OSBPL8: variants seen among roughly 807,000 people sequenced by gnomAD.
OSBPL8 encodes oxysterol binding protein like 8.
A neutral mutation model predicts 125.5 loss-of-function variants in OSBPL8; 59 were observed. That is an observed-to-expected ratio of 0.47 (90% CI 0.38 to 0.58). The LOEUF (loss-of-function observed/expected upper bound fraction) is 0.58, where lower values mean the gene tolerates loss of function less well. Ranked by LOEUF, OSBPL8 falls within the 20% of genes least tolerant of loss-of-function variation. The pLI is 0.00. For synonymous variants in OSBPL8, 330 were observed against 338.9 expected (o/e 0.97, Z 0.29); for missense variants, 758 against 1,047.8 (o/e 0.72, Z 3.82).
At chr12:76,425,000 A>T (rs921451285) in intron 4 of OSBPL8, among the ~76,000 whole-genome samples, 29 of 152,304 alleles carry the variant, frequency 1.9e-4, no homozygotes, top group African/African-American at 6.5e-4. Context: ...ACTGAAAGTC[A>T]ACCTTATTTA....
intron 2 of OSBPL8, among the ~76,000 whole-genome samples, chr12:76,462,841 A>G (rs1874904298): frequency 6.6e-6 from 1 of 152,192 alleles, no homozygotes; most frequent in South Asian, 2.1e-4. Flanking sequence ...GCAAGTGTAC[A>G]GGATTATGAT....
chr12:76,439,784 C>A (rs11836952), intron 4 of OSBPL8, among the ~76,000 whole-genome samples: 31,552 of 152,008 alleles, frequency 0.21, 3,518 homozygotes, highest in Non-Finnish European at 0.27. Context: ...TATTGGCTTA[C>A]AGTTGTTTAT....
chr12:76,556,875 A>T (rs1951119865), intron 1 of OSBPL8, among the ~76,000 whole-genome samples: 1 of 152,162 alleles, frequency 6.6e-6, no homozygotes, highest in African/African-American at 2.4e-5. Context: ...CATGTTGGCC[A>T]GGCGGGTCTT....
chr12:76,492,164 G>C (rs1323169723), intron 1 of OSBPL8, among the ~76,000 whole-genome samples: 1 of 152,120 alleles, frequency 6.6e-6, no homozygotes, highest in African/African-American at 2.4e-5. Context: ...ATTTTAAATA[G>C]GATGGCCATA....
chr12:76,528,258 C>T (rs926705954), intron 1 of OSBPL8, among the ~76,000 whole-genome samples: 3 of 146,046 alleles, frequency 2.1e-5, no homozygotes, highest in African/African-American at 7.7e-5. Context: ...ACCTGGGAGG[C>T]GGAGGCTGCA....
At chr12:76,498,435 G>A (rs1879510030) in intron 1 of OSBPL8, among the ~76,000 whole-genome samples, 1 of 152,182 alleles carries the variant, frequency 6.6e-6, no homozygotes, top group African/African-American at 2.4e-5. Context: ...TTTACAAGGT[G>A]CAAGCACGCA....
At position 76,506,514 on chromosome 12, in the gene OSBPL8, A is replaced by C. The variant is rs576790463; in HGVS notation, c.-67-18896T>G. On this transcript the variant is annotated intron_variant, in intron 1 of 23. Transcript: ENST00000261183. The stretch of plus-strand genomic sequence containing the variant: ...GTATTAAAGAATCAATATTTATAAA[A>C]TGAATGAATTAATGAATCCTGATTT... 9.8e-5 allele frequency among the ~76,000 whole-genome samples: 15 copies of C among 152,364 alleles called. No homozygotes were observed. In the South Asian group the frequency reaches 3.1e-3, roughly 32 times the overall value.
intron 1 of OSBPL8, among the ~76,000 whole-genome samples, chr12:76,496,299 G>A (rs928833032): frequency 6.6e-6 from 1 of 151,018 alleles, no homozygotes; most frequent in African/African-American, 2.4e-5. Context: ...TTCCCCTTCT[G>A]TGCTGTTGGT....
chr12:76,359,974 G>T (rs1047227361), intron 21 of OSBPL8, among the ~76,000 whole-genome samples: 1 of 147,456 alleles, frequency 6.8e-6, no homozygotes, highest in Admixed American at 6.8e-5. Flanking sequence ...GAGCCAAATC[G>T]TATCATTCTA....
chr12:76,371,668 T>G (rs1952624018), intron 18 of OSBPL8, 84 bp from the exon 19 acceptor site: 1 of 1,177,884 alleles, frequency 8.5e-7, no homozygotes, highest in African/African-American at 1.6e-5. Flanking sequence ...CGGTGATAAT[T>G]TCTTCTGGTT....
At chr12:76,516,292 CA>C (rs1329505071) in intron 1 of OSBPL8, among the ~76,000 whole-genome samples, 1 of 152,162 alleles carries the variant, frequency 6.6e-6, no homozygotes, top group African/African-American at 2.4e-5. Context: ...GATGAAAAAT[CA>C]AGACCAAGAG....
intron 2 of OSBPL8, among the ~76,000 whole-genome samples, chr12:76,462,931 G>A (rs952829338): frequency 6.6e-6 from 1 of 152,176 alleles, no homozygotes; most frequent in Admixed American, 6.5e-5. Context: ...GAAAGTAGTA[G>A]GAGATGAGGT....
At chr12:76,432,567 T>A (rs1449971901) in intron 4 of OSBPL8, among the ~76,000 whole-genome samples, 1 of 151,956 alleles carries the variant, frequency 6.6e-6, no homozygotes, top group Admixed American at 6.6e-5. Flanking sequence ...GGCAACAGAA[T>A]GAGACTTTGT....
intron 15 of OSBPL8, among the ~76,000 whole-genome samples, chr12:76,382,592 G>T (rs1354354093): frequency 6.6e-6 from 1 of 152,102 alleles, no homozygotes; most frequent in Non-Finnish European, 1.5e-5. Context: ...TCTTTAAAAT[G>T]TCACAGTCGG....
chr12:76,447,865 C>T (rs763940610), intron 4 of OSBPL8, among the ~76,000 whole-genome samples: 8 of 152,086 alleles, frequency 5.3e-5, no homozygotes, highest in Middle Eastern at 3.4e-3. Context: ...TTCTTAAAAC[C>T]GTCAAAGACA....
rs1018556501 is a variant in OSBPL8 at position 76,540,851 on chromosome 12, TAAG to T, written c.-68+18543_-68+18545del. ...TTTCACATCAAATGTGGTCTTCCCTTAAGAAGAGCAAAACCTTAACATATTAGA... is the reference window on the plus strand; with the variant it reads ...TTTCACATCAAATGTGGTCTTCCCTTAAGAGCAAAACCTTAACATATTAGA... On this transcript the variant is annotated intron_variant, in intron 1 of 23. Transcript: ENST00000261183. Among the ~76,000 whole-genome samples, 6 of 152,132 alleles carry T rather than the reference TAAG, an allele frequency of 3.9e-5. No individual in the cohort carries two copies. The South Asian group carries it at 6.2e-4, about 16-fold the overall frequency.
rs372961767 is a variant in OSBPL8, at chr12:76,450,907, G to A, written c.161C>T (p.Thr54Met). Residue 54 changes from threonine to methionine, a missense_variant, in exon 4 of 24, where the codon ACG (threonine) becomes ATG (methionine). Around this residue, in one of 3 missense-constraint regions of OSBPL8, gnomAD observed 117 missense variants for 137.1 expected, o/e 0.85. Transcript: ENST00000261183. ...TGGCTGATGCAAATCTTTGGTTGGC[G>A]TTGGATAAGCTTCTTTTCCTTGGCG... ...SQRQGKEAYP[T>M]PTKDLHQPSL... 29 of 1,613,994 alleles carry A rather than the reference G, an allele frequency of 1.8e-5. No homozygotes were observed. The highest frequency in any genetic ancestry group is 1.6e-4 in the Middle Eastern group (1 of 6,062).
intron 2 of OSBPL8, among the ~76,000 whole-genome samples, chr12:76,487,021 A>AT (rs63178360): frequency 0.38 from 38,495 of 101,858 alleles, 8,396 homozygotes; most frequent in Non-Finnish European, 0.47. Flanking sequence ...TGCAATTTTC[A>AT]TTTTTTTTTT....
rs541647417 is a variant in OSBPL8, at chr12:76,487,445, C to T, written c.42+65G>A. 141 of 1,376,976 alleles carry T rather than the reference C, an allele frequency of 1.0e-4. 1 individual carries two copies. The South Asian group carries it at 1.7e-3, about 16-fold the overall frequency. 85.3% of individuals were successfully genotyped at this position (1,376,976 alleles called of 1,614,324 possible). ...GTTAATATATTTTAAAAACAAAACC[C>T]TAGCTTACATCAAACACTTCACAGT... is the stretch of plus-strand genomic sequence containing the variant. On this transcript the variant is annotated intron_variant, in intron 2 of 23. Coordinates refer to ENST00000261183, the MANE Select transcript of OSBPL8 (RefSeq NM_020841.5).
Sources: gnomAD v4.1 joint callset for allele counts (sites outside exome capture counted in the v4.1 genomes callset) on GRCh38, gnomAD v4.1.1 for gene constraint, gnomAD v4.1.1 regional missense constraint, MANE v1.5 for transcripts, NCBI Gene and HGNC (gene_info 2026-07-23, HGNC 2026-07-21) for gene names.